The following PHIP variants were observed in gnomAD, a reference collection of about 807,000 sequenced individuals.
The protein encoded by PHIP is PH-interacting protein.
Under a neutral mutation model 236.8 loss-of-function variants are expected in PHIP, and 54 were observed. That is an observed-to-expected ratio of 0.23 (90% CI 0.18 to 0.29). The LOEUF (loss-of-function observed/expected upper bound fraction) is 0.29. Among genes scored for constraint, PHIP ranks in the 10% least tolerant of loss-of-function variants. PHIP has a pLI of 1.00. For synonymous variants in PHIP, 756 were observed against 718.9 expected (o/e 1.05, Z -0.83); for missense variants, 1,370 against 2,190.8 (o/e 0.63, Z 7.48).
rs140622036 is a variant in PHIP at position 78,997,075 on chromosome 6, A to G, written c.2201+339T>C. 4.1e-3 allele frequency among the ~76,000 whole-genome samples: 620 copies of G among 151,896 alleles called. 1 individual carries two copies. Among genetic ancestry groups the G allele is most frequent in the Non-Finnish European group, 6.6e-3 (448 of 67,922 alleles). On this transcript the variant is annotated intron_variant, in intron 19 of 39. Transcript: ENST00000275034. Reference sequence around the variant, plus strand: ...CTGGCTAAATCCATTAAAAAATTAAATAATTACAACAAACTTTATAAAATG... The same window carrying G: ...CTGGCTAAATCCATTAAAAAATTAAGTAATTACAACAAACTTTATAAAATG...
At chr6:79,054,697 A>G (rs1644598683) in intron 6 of PHIP, among the ~76,000 whole-genome samples, 1 of 151,394 alleles carries the variant, frequency 6.6e-6, no homozygotes, top group African/African-American at 2.4e-5. Flanking sequence ...TGTAAGAAAT[A>G]TATGAGGAAA....
chr6:78,961,740 A>T lies in PHIP; in HGVS notation c.3606T>A (p.Tyr1202Ter). ...AYPMYCTVVA[Y>*]PTDLSTIKQR... ...GTTTAATTGTACTTAGATCCGTTGGATATGCCACTACTGTGCAATACATGG... is the reference window on the plus strand; with the variant it reads ...GTTTAATTGTACTTAGATCCGTTGGTTATGCCACTACTGTGCAATACATGG... Residue 1202 changes from tyrosine to a stop codon, truncating the protein, a stop_gained, in exon 31 of 40, where the codon TAT becomes TAA. Transcript: ENST00000275034. LOFTEE classifies it high-confidence loss of function. The T allele has an allele frequency of 6.2e-7, 1 of 1,612,556 alleles. No homozygotes were observed.
At chr6:78,967,577 C>T (rs996045487) in intron 27 of PHIP, among the ~76,000 whole-genome samples, 3 of 152,104 alleles carry the variant, frequency 2.0e-5, no homozygotes, top group Non-Finnish European at 4.4e-5. Context: ...TTTTAAATGG[C>T]AGTCGGTGGG....
intron 38 of PHIP, 68 bp from the exon 39 acceptor site, chr6:78,945,565 C>G (rs1773767585): frequency 4.0e-6 from 4 of 993,240 alleles, no homozygotes; most frequent in Non-Finnish European, 6.1e-6. Flanking sequence ...AAAGGTTAAC[C>G]TGAATTATTT....
At chr6:78,993,269 T>C (rs1019804393) in intron 19 of PHIP, among the ~76,000 whole-genome samples, 1 of 152,164 alleles carries the variant, frequency 6.6e-6, no homozygotes, top group Non-Finnish European at 1.5e-5. Flanking sequence ...AAGTGTAGGG[T>C]GAAGCAGCAA....
At position 79,042,891 on chromosome 6, in the gene PHIP, T is replaced by C. The variant is rs141979477; in HGVS notation, c.552A>G (p.Ser184=). ...GATCAAAAGTTACACAGTACACAGA[T>C]GACAAGTGTCCAAGAATTCGTTTAT... The part of the protein sequence containing the change: ...KMHKRILGHL[S]SVYCVTFDRT... Residue 184 remains serine (S), a synonymous_variant, in exon 7 of 40, where the codon TCA becomes TCG. Transcript: ENST00000275034. 1.7e-5 allele frequency: 27 copies of C among 1,612,706 alleles called. No homozygotes were observed. The East Asian group carries it at 5.4e-4, about 32-fold the overall frequency.
intron 4 of PHIP, among the ~76,000 whole-genome samples, chr6:79,069,771 T>C (rs1773796798): frequency 6.6e-6 from 1 of 151,966 alleles, no homozygotes; most frequent in African/African-American, 2.4e-5. Context: ...TCTTTATAAT[T>C]ATAATAAAAT....
chr6:78,971,552 G>C (rs530420248), intron 24 of PHIP, among the ~76,000 whole-genome samples: 1 of 152,138 alleles, frequency 6.6e-6, no homozygotes, highest in African/African-American at 2.4e-5. Flanking sequence ...GAACAGCTCC[G>C]GTCTACAGCT....
In PHIP at chr6:78,970,797, T is replaced by G; in HGVS notation, c.2981A>C (p.His994Pro). ...ATGTCATACCCGTAGCTCCATTTTA[T>G]GCCATGGTTGTTTTTTGGGATTGAT... ...YSINPKKQPW[H>P]KMELREQELM... Residue 994 changes from histidine (H) to proline (P), a missense_variant, in exon 25 of 40, where the codon CAT becomes CCT. Transcript: ENST00000275034. 1 of 1,606,344 alleles carries G rather than the reference T, an allele frequency of 6.2e-7. No individual in the cohort carries two copies. Among genetic ancestry groups the G allele is most frequent in the East Asian group, 2.2e-5 (1 of 44,748 alleles).
chr6:79,001,551 C>T (rs1769998640), intron 17 of PHIP, among the ~76,000 whole-genome samples: 1 of 151,874 alleles, frequency 6.6e-6, no homozygotes, highest in Non-Finnish European at 1.5e-5. Context: ...TTGTTTAATC[C>T]ACTACTGAAT....
intron 6 of PHIP, 21 bp downstream of exon 6, chr6:79,060,457 T>C (rs1193597152): frequency 9.7e-6 from 15 of 1,549,768 alleles, no homozygotes; most frequent in Admixed American, 3.5e-5. Context: ...TATTAACTAC[T>C]AGTGAACTCA....
chr6:78,945,948 G>A lies in PHIP; in HGVS notation c.4630+53C>T. On this transcript the variant is annotated intron_variant, in intron 38 of 39. Coordinates refer to ENST00000275034, the MANE Select transcript of PHIP (RefSeq NM_017934.7). ...GTATATTGCATTTGGCAAAGTAAAA[G>A]CTTAAATTAAGAAAATCATCATATA... is the stretch of plus-strand genomic sequence containing the variant. 5.2e-6 allele frequency: 7 copies of A among 1,346,964 alleles called. No homozygotes were observed. In the South Asian group the frequency reaches 7.6e-5, roughly 15 times the overall value. 83.4% of individuals were successfully genotyped at this position (1,346,964 alleles called of 1,614,324 possible).
chr6:79,058,943 C>T (rs1382956630), intron 6 of PHIP, among the ~76,000 whole-genome samples: 1 of 151,998 alleles, frequency 6.6e-6, no homozygotes, highest in Non-Finnish European at 1.5e-5. Context: ...TCCTATTATA[C>T]CACCTTAGAA....
At chr6:79,047,721 A>C (rs13204088) in intron 6 of PHIP, among the ~76,000 whole-genome samples, 50,393 of 151,926 alleles carry the variant, frequency 0.33, 9,882 homozygotes, top group East Asian at 0.69. Flanking sequence ...AATTTTACAC[A>C]GTCAATTATA....
At chr6:79,034,204 A>G (rs1771815740) in intron 7 of PHIP, among the ~76,000 whole-genome samples, 1 of 152,222 alleles carries the variant, frequency 6.6e-6, no homozygotes, top group African/African-American at 2.4e-5. Context: ...GTTTTCACAA[A>G]TATACAATTT....
At chr6:79,053,733 C>T (rs1772918378) in intron 6 of PHIP, among the ~76,000 whole-genome samples, 1 of 152,134 alleles carries the variant, frequency 6.6e-6, no homozygotes. Flanking sequence ...TTCACCTACA[C>T]AGATATGAGT....
intron 17 of PHIP, among the ~76,000 whole-genome samples, chr6:79,000,684 T>A (rs1428719066): frequency 3.9e-5 from 6 of 152,226 alleles, no homozygotes; most frequent in Non-Finnish European, 5.9e-5. Flanking sequence ...TTAATTTCAG[T>A]CCTATGACCA....
rs542361360 is a variant in PHIP, at chr6:78,972,780, A to G, written c.2890-1892T>C. Among the ~76,000 whole-genome samples the G allele has an allele frequency of 6.5e-4, 99 of 152,288 alleles. 2 individuals are homozygous for G. The highest frequency in any genetic ancestry group is 2.3e-3 in the African/African-American group (97 of 41,558). ...ATGAACTGGAAGAAAGGGTATCAGC[A>G]ATGGAAGATGAAATGAATGAAATGA... On this transcript the variant is annotated intron_variant, in intron 24 of 39. Coordinates refer to ENST00000275034, the MANE Select transcript of PHIP (RefSeq NM_017934.7).
chr6:79,033,813 C>T (rs1296978606), intron 7 of PHIP, among the ~76,000 whole-genome samples: 2 of 152,262 alleles, frequency 1.3e-5, no homozygotes, highest in Middle Eastern at 3.4e-3. Context: ...ATGCATTCCT[C>T]ACTCGCCTTA....
Sources: allele counts gnomAD v4.1 joint callset (sites outside exome capture counted in the v4.1 genomes callset), GRCh38; gene constraint gnomAD v4.1.1; transcripts MANE v1.5; gene names NCBI Gene and HGNC (gene_info 2026-07-23, HGNC 2026-07-21).